The following PPFIA2 variants were observed in gnomAD, a reference collection of about 807,000 sequenced individuals.
The protein encoded by PPFIA2 is PPFI scaffold protein A2.
PPFIA2 carries 46 observed loss-of-function variants against 175.5 expected under a neutral mutation model. The observed-to-expected ratio is 0.26, with a 90% confidence interval of 0.21 to 0.34. The LOEUF is 0.34. PPFIA2 is among the 10% of genes least tolerant of loss of function. The pLI, the probability that PPFIA2 is intolerant of heterozygous loss-of-function variation, is 1.00. For missense variants in PPFIA2, 1,179 were observed against 1,506.1 expected, an observed-to-expected ratio of 0.78 and a Z score of 3.60; for synonymous variants, 568 against 511.4, an observed-to-expected ratio of 1.11 and a Z score of -1.49.
At chr12:81,608,722 G>T (rs1159929716) in intron 4 of PPFIA2, among the ~76,000 whole-genome samples, 1 of 151,424 alleles carries the variant, frequency 6.6e-6, no homozygotes, top group East Asian at 1.9e-4. Flanking sequence ...TGTCAACCTT[G>T]CTTATTTTTT....
chr12:81,598,150 C>T (rs1231961148), intron 4 of PPFIA2: 2 of 1,471,588 alleles, frequency 1.4e-6, no homozygotes, highest in South Asian at 2.8e-5. Flanking sequence ...TGAAATCTGC[C>T]CCATCCTTCT....
In PPFIA2 at chr12:81,758,497, G is replaced by C. The variant is rs2085040374; in HGVS notation, c.-100C>G. The C allele has an allele frequency of 2.2e-6, 1 of 452,796 alleles. No homozygotes were observed. Among genetic ancestry groups the C allele is most frequent in the African/African-American group, 2.0e-5 (1 of 49,994 alleles). 28.0% of individuals were successfully genotyped at this position (452,796 alleles called of 1,614,324 possible). On this transcript the variant is annotated 5_prime_UTR_variant, in exon 2 of 33. Coordinates refer to ENST00000549396, the MANE Select transcript of PPFIA2 (RefSeq NM_003625.5). ...AGGGAGGCTCACACCCAGCACTCCT[G>C]GACCATTTCCCTAGCAACGGGAGGA...
intron 3 of PPFIA2, among the ~76,000 whole-genome samples, chr12:81,728,158 GAC>G (rs557733458): frequency 1.6e-3 from 238 of 151,534 alleles, no homozygotes; most frequent in Non-Finnish European, 3.0e-3. Context: ...GCCAAAGGCT[GAC>G]ACAGTCTCTG....
At chr12:81,308,647 T>C (rs530746681) in intron 22 of PPFIA2, among the ~76,000 whole-genome samples, 1 of 152,368 alleles carries the variant, frequency 6.6e-6, no homozygotes, top group African/African-American at 2.4e-5. Flanking sequence ...TTTTTAGAAG[T>C]GGCATACATT....
rs1257480174 is a variant in PPFIA2 at position 81,358,162 on chromosome 12, T to C, written c.1693A>G (p.Ser565Gly). 2 of 1,598,154 alleles carry C rather than the reference T, an allele frequency of 1.3e-6. No homozygotes were observed. The highest frequency in any genetic ancestry group is 1.7e-6 in the Non-Finnish European group (2 of 1,171,672). ...TTAGTTGTTCTGTAATCAGACTGGC[T>C]GTCCACTAGGGATCCCACTGAGTAC... ...LRYSVGSLVD[S>G]QSDYRTTKVI... is the part of the protein sequence containing the mutation. Residue 565 changes from serine (S) to glycine (G), a missense_variant, in exon 16 of 33, where the codon AGC (serine) becomes GGC (glycine). Coordinates refer to ENST00000549396, the MANE Select transcript of PPFIA2 (RefSeq NM_003625.5).
chr12:81,496,248 G>T (rs1009399626), intron 4 of PPFIA2, among the ~76,000 whole-genome samples: 1 of 152,132 alleles, frequency 6.6e-6, no homozygotes, highest in African/African-American at 2.4e-5. Context: ...ATCATTTTTA[G>T]GAAAGGAGCT....
chr12:81,725,484 C>T (rs563962626), intron 3 of PPFIA2, among the ~76,000 whole-genome samples: 1 of 150,672 alleles, frequency 6.6e-6, no homozygotes, highest in Non-Finnish European at 1.5e-5. Context: ...AATACACTGC[C>T]TATCCGAACC....
rs750758827 is a variant in PPFIA2 at position 81,284,316 on chromosome 12, C to G, written c.2926-13G>C. 11 of 1,563,158 alleles carry G rather than the reference C, an allele frequency of 7.0e-6. No homozygotes were observed. Among genetic ancestry groups the G allele is most frequent in the Non-Finnish European group, 9.7e-6 (11 of 1,139,164 alleles). On this transcript the variant is annotated splice_polypyrimidine_tract_variant and intron_variant, in intron 24 of 32. Transcript: ENST00000549396. ...CGTTGCCTGAAGGCTAGTGAGGAGG[C>G]CCAGAGGGAAGCAGAGGAATCCATG...
At chr12:81,614,119 TAA>T (rs1480001075) in intron 4 of PPFIA2, among the ~76,000 whole-genome samples, 6 of 152,118 alleles carry the variant, frequency 3.9e-5, no homozygotes, top group Non-Finnish European at 8.8e-5. Flanking sequence ...GGATTGTTTT[TAA>T]ATATAGGGAC....
At position 81,511,692 on chromosome 12, in the gene PPFIA2, C is replaced by T. The variant is rs138265934; in HGVS notation, c.304-53826G>A. ...CAGTATATGGAACATAATCAATGCT[C>T]GGTACAAAAAAGAAAGTTAAATGAT... On this transcript the variant is annotated intron_variant, in intron 4 of 32. Coordinates refer to ENST00000549396, the MANE Select transcript of PPFIA2 (RefSeq NM_003625.5). 5.9e-4 allele frequency among the ~76,000 whole-genome samples: 90 copies of T among 151,916 alleles called. 1 individual carries two copies. In the East Asian group the frequency reaches 0.017, roughly 30 times the overall value.
intron 21 of PPFIA2, among the ~76,000 whole-genome samples, chr12:81,335,882 T>C (rs549980834): frequency 4.5e-4 from 68 of 152,314 alleles, no homozygotes; most frequent in African/African-American, 1.6e-3. Context: ...TTTCCCTAAA[T>C]TCAATTGTGG....
intron 4 of PPFIA2, among the ~76,000 whole-genome samples, chr12:81,632,707 G>T (rs1305277489): frequency 2.0e-5 from 3 of 151,052 alleles, no homozygotes; most frequent in Non-Finnish European, 2.9e-5. Flanking sequence ...GAATAAGAAA[G>T]GAAATATGCA....
chr12:81,687,529 T>C (rs1279012828), intron 3 of PPFIA2: 1 of 152,032 alleles, frequency 6.6e-6, no homozygotes, highest in Non-Finnish European at 1.5e-5. Flanking sequence ...ACAGAGGTAC[T>C]GTCCCAAGAA....
chr12:81,659,508 G>T (rs934876150), intron 4 of PPFIA2, among the ~76,000 whole-genome samples: 2 of 152,322 alleles, frequency 1.3e-5, no homozygotes, highest in East Asian at 3.9e-4. Context: ...GGCTGGGAGA[G>T]GGGCGCCCGC....
intron 4 of PPFIA2, among the ~76,000 whole-genome samples, chr12:81,578,475 G>A (rs1192154915): frequency 6.6e-6 from 1 of 151,682 alleles, no homozygotes; most frequent in Non-Finnish European, 1.5e-5. Flanking sequence ...TGCTTAGAAA[G>A]AAACTGTAAG....
intron 3 of PPFIA2, among the ~76,000 whole-genome samples, chr12:81,722,364 G>T (rs1231057790): frequency 6.6e-6 from 1 of 151,008 alleles, no homozygotes; most frequent in African/African-American, 2.4e-5. Flanking sequence ...CTCTAAATGA[G>T]ATTTACTGTC....
At chr12:81,517,014 C>T (rs1350628271) in intron 4 of PPFIA2, among the ~76,000 whole-genome samples, 1 of 151,836 alleles carries the variant, frequency 6.6e-6, no homozygotes, top group Non-Finnish European at 1.5e-5. Context: ...TAATGAATTG[C>T]TCTCGCATTC....
chr12:81,659,831 C>T (rs189846933), intron 4 of PPFIA2, among the ~76,000 whole-genome samples: 24 of 152,252 alleles, frequency 1.6e-4, no homozygotes, highest in South Asian at 1.5e-3. Context: ...ACACCTCACA[C>T]GGCCGGGTAC....
chr12:81,311,944 G>A, intron 22 of PPFIA2: 1 of 565,900 alleles, frequency 1.8e-6, no homozygotes, highest in Non-Finnish European at 3.1e-6. Context: ...AGAAATACAA[G>A]TGCCCAAAAG....
Sources: gnomAD v4.1 joint callset for allele counts (sites outside exome capture counted in the v4.1 genomes callset) on GRCh38, gnomAD v4.1.1 for gene constraint, MANE v1.5 for transcripts, NCBI Gene and HGNC (gene_info 2026-07-23, HGNC 2026-07-21) for gene names.